The following PSD3 variants were observed in gnomAD, a reference collection of about 807,000 sequenced individuals.
The protein encoded by PSD3 is PH and SEC7 domain-containing protein 3.
PSD3 carries 49 observed loss-of-function variants against 105.5 expected under a neutral mutation model. The observed-to-expected ratio is 0.46, with a 90% CI of 0.37 to 0.59. The LOEUF (loss-of-function observed/expected upper bound fraction) is 0.59, where lower values mean the gene tolerates loss of function less well. Among genes scored for constraint, PSD3 ranks in the 20% least tolerant of loss-of-function variants. PSD3 has a pLI of 0.00. For synonymous variants in PSD3, 557 were observed against 457.8 expected (o/e 1.22, Z -2.77); for missense variants, 1,561 against 1,263.8 (o/e 1.24, Z -3.57).
chr8:18,743,005 G>C (rs2129435038), intron 9 of PSD3, among the ~76,000 whole-genome samples: 1 of 152,300 alleles, frequency 6.6e-6, no homozygotes, highest in Non-Finnish European at 1.5e-5. Context: ...TATGACCTTG[G>C]ACACTATGCG....
intron 12 of PSD3, among the ~76,000 whole-genome samples, chr8:18,579,134 AAAGGG>A (rs1311624918): frequency 6.7e-6 from 1 of 149,362 alleles, no homozygotes; most frequent in African/African-American, 2.4e-5. Context: ...ACACACACAC[AAAGGG>A]CAAAACCAAG....
At chr8:18,837,638 T>G (rs1814221299) in intron 4 of PSD3, among the ~76,000 whole-genome samples, 1 of 152,170 alleles carries the variant, frequency 6.6e-6, no homozygotes, top group Admixed American at 6.5e-5. Context: ...GAAATGAGAC[T>G]AAACTCTAAA....
intron 9 of PSD3, among the ~76,000 whole-genome samples, chr8:18,705,816 G>C (rs1387907737): frequency 6.6e-6 from 1 of 152,162 alleles, no homozygotes; most frequent in South Asian, 2.1e-4. Context: ...TCGTGATCAA[G>C]AAAGTGGAAT....
intron 2 of PSD3, among the ~76,000 whole-genome samples, chr8:18,906,498 A>C (rs553702472): frequency 2.6e-4 from 39 of 152,286 alleles, no homozygotes; most frequent in Admixed American, 1.2e-3. Flanking sequence ...TAAAGATTTC[A>C]ATTTCATGTT....
intron 9 of PSD3, among the ~76,000 whole-genome samples, chr8:18,714,502 C>T (rs571585907): frequency 3.3e-5 from 5 of 150,288 alleles, no homozygotes; most frequent in South Asian, 2.1e-4. Flanking sequence ...AAAAGTCATA[C>T]GTGCAGCCAA....
rs1282124036 is a variant in PSD3 at position 18,534,625 on chromosome 8, A to T, written c.*1118T>A. 1 of 152,218 alleles carries T rather than the reference A, an allele frequency of 6.6e-6. No homozygotes were observed. Among genetic ancestry groups the T allele is most frequent in the Non-Finnish European group, 1.5e-5 (1 of 68,042 alleles). The allele number at this position is 152,218 out of a possible 1,614,324, so 9.4% of individuals were successfully genotyped here. A position where few individuals can be genotyped will look rare whatever the true frequency, so the allele number is the denominator to read the frequency against. On this transcript the variant is annotated 3_prime_UTR_variant, in exon 16 of 16. Transcript: ENST00000327040. ...TTCCTCAGTTTTCCAACCATAATTC[A>T]TTCTGACTACTACTTTCAGATATAT...
chr8:18,744,035 C>A lies in PSD3; in HGVS notation c.2172+21414G>T, dbSNP rs557705075. ...CTAATATGCTGCTCCCCTGACATCA[C>A]CACTATTAACACATTCATCTTCTAG... On this transcript the variant is annotated intron_variant, in intron 9 of 15. Coordinates refer to ENST00000327040, the MANE Select transcript of PSD3 (RefSeq NM_015310.4). Among the ~76,000 whole-genome samples, 13 of 149,360 alleles carry A rather than the reference C, an allele frequency of 8.7e-5. 1 individual carries two copies. The South Asian group carries it at 2.1e-3, about 24-fold the overall frequency.
At position 19,022,759 on chromosome 8, in the gene PSD3, G is replaced by T. The variant is rs143279487; in HGVS notation, c.324+61447C>A. Among the ~76,000 whole-genome samples, 357 of 152,190 alleles carry T rather than the reference G, an allele frequency of 2.3e-3. 1 individual carries two copies. Among genetic ancestry groups the T allele is most frequent in the African/African-American group, 8.4e-3 (348 of 41,538 alleles). ...CAGTGGAGAGTAGAGCCAGGCAACA[G>T]CTGTCATCACCATCTCCTCATGTTC... is the stretch of plus-strand genomic sequence containing the variant. On this transcript the variant is annotated intron_variant, in intron 1 of 1. Transcript: ENST00000521475.
chr8:18,777,272 A>G (rs1808193302), intron 8 of PSD3, among the ~76,000 whole-genome samples: 1 of 151,894 alleles, frequency 6.6e-6, no homozygotes, highest in Admixed American at 6.6e-5. Flanking sequence ...CGATCTCCTG[A>G]CCTCCTGATC....
chr8:19,061,061 G>T (rs890127372), intron 1 of PSD3, among the ~76,000 whole-genome samples: 3 of 152,136 alleles, frequency 2.0e-5, no homozygotes, highest in African/African-American at 7.2e-5. Context: ...TGCTCCATGG[G>T]CATCAGCCAG....
At chr8:18,840,233 C>A (rs1056161926) in intron 4 of PSD3, among the ~76,000 whole-genome samples, 2 of 152,130 alleles carry the variant, frequency 1.3e-5, no homozygotes, top group Non-Finnish European at 2.9e-5. Context: ...AGCAGCTAAG[C>A]CTCAAACCCT....
chr8:18,687,994 C>A (rs1800756237), intron 9 of PSD3, among the ~76,000 whole-genome samples: 1 of 152,106 alleles, frequency 6.6e-6, no homozygotes, highest in African/African-American at 2.4e-5. Flanking sequence ...GTCTTGAACT[C>A]CTAACCTCAG....
chr8:18,801,252 G>C lies in PSD3; in HGVS notation c.2023+18C>G, dbSNP rs1156541594. The C allele has an allele frequency of 7.0e-7, 1 of 1,418,730 alleles. No homozygotes were observed. Among genetic ancestry groups the C allele is most frequent in the African/African-American group, 1.4e-5 (1 of 69,242 alleles). 87.9% of individuals were successfully genotyped at this position (1,418,730 alleles called of 1,614,324 possible). A position where few individuals can be genotyped will look rare whatever the true frequency, so the allele number is the denominator to read the frequency against. The stretch of plus-strand genomic sequence containing the variant: ...CCATTGATATAAAAAAGAAATTCAA[G>C]GATTTGTATCAGATTACCTTGTGAA... On this transcript the variant is annotated intron_variant, in intron 7 of 15. Transcript: ENST00000327040.
intron 14 of PSD3, among the ~76,000 whole-genome samples, chr8:18,567,687 T>A (rs1458947892): frequency 1.3e-5 from 2 of 152,226 alleles, no homozygotes; most frequent in African/African-American, 4.8e-5. Flanking sequence ...TTTATAACTA[T>A]GGCAACACTT....
intron 1 of PSD3, among the ~76,000 whole-genome samples, chr8:19,026,419 A>G (rs951601241): frequency 6.6e-6 from 1 of 152,156 alleles, no homozygotes; most frequent in Non-Finnish European, 1.5e-5. Flanking sequence ...CTAATCGCAG[A>G]AGCTGTCTCT....
chr8:18,787,645 G>A (rs894089452), intron 8 of PSD3, among the ~76,000 whole-genome samples: 3 of 152,002 alleles, frequency 2.0e-5, no homozygotes, highest in East Asian at 1.9e-4. Context: ...ACGTCATCCC[G>A]CAACAATTTA....
chr8:18,929,498 G>A (rs945782319), intron 2 of PSD3, among the ~76,000 whole-genome samples: 25 of 151,796 alleles, frequency 1.6e-4, no homozygotes, highest in African/African-American at 6.0e-4. Context: ...CCAGAGGCTT[G>A]CCTGCAGCAA....
At chr8:18,755,712 G>A (rs188666628) in intron 9 of PSD3, among the ~76,000 whole-genome samples, 310 of 150,498 alleles carry the variant, frequency 2.1e-3, no homozygotes, top group Non-Finnish European at 3.2e-3. Flanking sequence ...CTCTTAAGCA[G>A]CATCTGTTCT....
chr8:18,855,223 C>A (rs1008142899), intron 4 of PSD3, among the ~76,000 whole-genome samples: 1 of 152,094 alleles, frequency 6.6e-6, no homozygotes, highest in African/African-American at 2.4e-5. Flanking sequence ...ATTATACACT[C>A]GAAGAACATG....
Sources: gnomAD v4.1 joint callset for allele counts (sites outside exome capture counted in the v4.1 genomes callset) on GRCh38, gnomAD v4.1.1 for gene constraint, MANE v1.5 for transcripts, NCBI Gene and HGNC (gene_info 2026-07-23, HGNC 2026-07-21) for gene names.